Variants in FHL2 observed in about 807,000 individuals in gnomAD.
The protein encoded by FHL2 is four and a half LIM domains protein 2.
In FHL2, 20 loss-of-function variants were observed where a neutral mutation model predicts 32.7. The observed-to-expected ratio is 0.61, with a 90% CI of 0.43 to 0.89. The LOEUF is 0.89. FHL2 is among the 40% of genes least tolerant of loss of function. The pLI, the probability that FHL2 is intolerant of heterozygous loss-of-function variation, is 0.00. For synonymous variants in FHL2, 123 were observed against 128.1 expected (o/e 0.96, Z 0.27); for missense variants, 311 against 358.6 (o/e 0.87, Z 1.07).
upstream of FHL2, among the ~76,000 whole-genome samples, chr2:105,403,914 C>A (rs1336042860): frequency 6.6e-6 from 1 of 152,170 alleles, no homozygotes; most frequent in African/African-American, 2.4e-5. Flanking sequence ...CTGAGCTGTA[C>A]AAATGCTGAA....
chr2:105,435,135 T>C (rs1684568459), intron 1 of FHL2, among the ~76,000 whole-genome samples: 2 of 152,242 alleles, frequency 1.3e-5, no homozygotes. Context: ...TATTGCTTTC[T>C]AGTTTGAGTT....
chr2:105,403,970 G>A (rs1008628464), upstream of FHL2, among the ~76,000 whole-genome samples: 2 of 152,176 alleles, frequency 1.3e-5, no homozygotes, highest in East Asian at 1.9e-4. Context: ...GCTTCTAGGC[G>A]TGTGCTCGCA....
At chr2:105,420,237 G>T (rs1684058528) in intron 1 of FHL2, among the ~76,000 whole-genome samples, 1 of 152,214 alleles carries the variant, frequency 6.6e-6, no homozygotes, top group Admixed American at 6.5e-5. Context: ...CTCCCTAGCT[G>T]CTGGTGGTTT....
chr2:105,422,318 G>T (rs1225963111), intron 1 of FHL2, among the ~76,000 whole-genome samples: 3 of 152,146 alleles, frequency 2.0e-5, no homozygotes, highest in Non-Finnish European at 2.9e-5. Flanking sequence ...CAAGTTGGTG[G>T]CAAGATGCAT....
chr2:105,391,908 G>A (rs908975675), intron 2 of FHL2, among the ~76,000 whole-genome samples: 3 of 152,170 alleles, frequency 2.0e-5, no homozygotes, highest in East Asian at 1.9e-4. Context: ...AACATAAGGC[G>A]CAACCCCTCC....
intron 1 of FHL2, 123 bp downstream of exon 1, chr2:105,398,719 G>C: frequency 1.3e-6 from 1 of 751,192 alleles, no homozygotes; most frequent in Non-Finnish European, 1.9e-6. Flanking sequence ...AACCCCCAGG[G>C]TTCGGCTCTC....
At chr2:105,435,458 C>A (rs1684581033) in intron 1 of FHL2, among the ~76,000 whole-genome samples, 1 of 152,152 alleles carries the variant, frequency 6.6e-6, no homozygotes, top group Non-Finnish European at 1.5e-5. Context: ...CTGCACAGAA[C>A]TAAGCCCAGG....
intron 1 of FHL2, among the ~76,000 whole-genome samples, chr2:105,411,267 G>A (rs1394922144): frequency 6.6e-6 from 1 of 152,084 alleles, no homozygotes; most frequent in Non-Finnish European, 1.5e-5. Flanking sequence ...CAATTTCCTA[G>A]TATTATCTTT....
intron 2 of FHL2, among the ~76,000 whole-genome samples, chr2:105,393,278 C>T (rs7597058): frequency 0.087 from 13,290 of 152,188 alleles, 770 homozygotes; most frequent in African/African-American, 0.16. Flanking sequence ...GCTCCTCTAA[C>T]ATAGCCATTT....
chr2:105,431,016 C>A (rs532423181), intron 1 of FHL2, among the ~76,000 whole-genome samples: 28 of 152,186 alleles, frequency 1.8e-4, no homozygotes, highest in Admixed American at 1.8e-3. Context: ...TCCCATATCA[C>A]GAAATAAATT....
At chr2:105,387,155 GC>G (rs1479119745) in intron 2 of FHL2, among the ~76,000 whole-genome samples, 3 of 152,158 alleles carry the variant, frequency 2.0e-5, no homozygotes, top group Admixed American at 2.0e-4. Context: ...TGACACCAGA[GC>G]CCCCATCCTG....
At chr2:105,394,430 G>A (rs960824136) in intron 2 of FHL2, among the ~76,000 whole-genome samples, 1 of 151,830 alleles carries the variant, frequency 6.6e-6, no homozygotes, top group African/African-American at 2.4e-5. Context: ...TATATCAGTT[G>A]GATATGGTGA....
chr2:105,363,805 T>C (rs1408134512), intron 5 of FHL2, among the ~76,000 whole-genome samples: 2 of 152,160 alleles, frequency 1.3e-5, no homozygotes, highest in African/African-American at 4.8e-5. Context: ...GGGTCGGGAT[T>C]CAATACAGCA....
chr2:105,367,823 C>T, intron 4 of FHL2, 84 bp from the exon 5 acceptor site: 1 of 1,415,098 alleles, frequency 7.1e-7, no homozygotes, highest in South Asian at 1.4e-5. Flanking sequence ...GAGCTTGCTG[C>T]CCTCTAGTTT....
intron 1 of FHL2, among the ~76,000 whole-genome samples, chr2:105,427,541 GC>G (rs751759927): frequency 6.6e-6 from 1 of 152,190 alleles, no homozygotes; most frequent in Non-Finnish European, 1.5e-5. Flanking sequence ...GGATGGAGGT[GC>G]AACTCTCAAA....
At chr2:105,400,414 G>C (rs1014789583), upstream of FHL2, among the ~76,000 whole-genome samples, 2 of 150,744 alleles carry the variant, frequency 1.3e-5, no homozygotes, top group Non-Finnish European at 2.9e-5. Flanking sequence ...ACGCTTTCCT[G>C]AAGAACCTGA....
At chr2:105,399,796 G>A (rs1317170463), upstream of FHL2, 1 of 570,354 alleles carries the variant, frequency 1.8e-6, no homozygotes, top group Admixed American at 3.7e-5. Context: ...CCTGGGAGAG[G>A]GTGCGTCGTG....
At position 105,399,042 on chromosome 2, in the gene FHL2, C is replaced by G; in HGVS notation, c.-276G>C. The G allele has an allele frequency of 6.7e-7, 1 of 1,496,480 alleles. No homozygotes were observed. Among genetic ancestry groups the G allele is most frequent in the Non-Finnish European group, 8.9e-7 (1 of 1,125,522 alleles). 92.7% of individuals were successfully genotyped at this position (1,496,480 alleles called of 1,614,324 possible). A position where few individuals can be genotyped will look rare whatever the true frequency, so the allele number is the denominator to read the frequency against. On this transcript the variant is annotated 5_prime_UTR_variant, in exon 1 of 7. Transcript: ENST00000530340. ...GCGGCTGGTGGCTGCGGCTCCGCTG[C>G]CGGCCGAGTGGAGCGCTGCGCAGCT...
At chr2:105,423,447 A>G (rs1287030625) in intron 1 of FHL2, among the ~76,000 whole-genome samples, 1 of 152,218 alleles carries the variant, frequency 6.6e-6, no homozygotes, top group Non-Finnish European at 1.5e-5. Context: ...ATCAGGGGAC[A>G]TATTTATACT....
Sources: gnomAD v4.1 joint callset for allele counts (sites outside exome capture counted in the v4.1 genomes callset) on GRCh38, gnomAD v4.1.1 for gene constraint, MANE v1.5 for transcripts, NCBI Gene and HGNC (gene_info 2026-07-23, HGNC 2026-07-21) for gene names.